Variants in GPC3 observed in about 807,000 individuals in gnomAD.
The protein encoded by GPC3 is glypican-3.
In GPC3, 3 loss-of-function variants were observed where a neutral mutation model predicts 34.4. That is an observed-to-expected ratio of 0.09 (90% CI 0.04 to 0.23). The LOEUF is 0.23. Ranked by LOEUF, GPC3 falls within the 10% of genes least tolerant of loss-of-function variation. The pLI, the probability that GPC3 is intolerant of heterozygous loss-of-function variation, is 1.00. For synonymous variants in GPC3, 177 were observed against 174.0 expected (o/e 1.02, Z -0.13); for missense variants, 351 against 445.6 (o/e 0.79, Z 1.91).
intron 2 of GPC3, among the ~76,000 whole-genome samples, chrX:133,854,064 A>G (rs2075888784): frequency 9.0e-6 from 1 of 111,294 alleles, no homozygotes; most frequent in Admixed American, 9.5e-5. Flanking sequence ...TTTTTCCCCC[A>G]TATTTCTTCT....
At chrX:133,842,683 T>C (rs190258857) in intron 2 of GPC3, among the ~76,000 whole-genome samples, 63 of 111,016 alleles carry the variant, frequency 5.7e-4, no homozygotes, top group African/African-American at 2.0e-3. Flanking sequence ...GGAGTTTCTA[T>C]ATAGAAATTA....
chrX:133,877,052 C>A (rs1010377319), intron 2 of GPC3, among the ~76,000 whole-genome samples: 3 of 111,302 alleles, frequency 2.7e-5, no homozygotes, highest in East Asian at 2.8e-4. Context: ...GATTTGGTGA[C>A]CAAAAAGCTA....
intron 6 of GPC3, among the ~76,000 whole-genome samples, chrX:133,621,664 T>A (rs923298116): frequency 3.7e-4 from 42 of 112,156 alleles, no homozygotes; most frequent in Middle Eastern, 4.6e-3. Flanking sequence ...AAGCTCAAAC[T>A]GGGTGGAGTC....
At chrX:133,546,608 A>G (rs2069388528) in intron 7 of GPC3, among the ~76,000 whole-genome samples, 1 of 111,336 alleles carries the variant, frequency 9.0e-6, no homozygotes, top group Non-Finnish European at 1.9e-5. Context: ...GGGATGATGA[A>G]ATATTTTGGA....
intron 1 of GPC3, among the ~76,000 whole-genome samples, chrX:133,974,224 A>AT (rs1198433921): frequency 9.0e-6 from 1 of 110,822 alleles, no homozygotes; most frequent in Non-Finnish European, 1.9e-5. Flanking sequence ...TAATTTTTCT[A>AT]TTTTTTGAAG....
chrX:133,588,422 C>T (rs2069813707), intron 7 of GPC3, among the ~76,000 whole-genome samples: 1 of 111,089 alleles, frequency 9.0e-6, no homozygotes, highest in South Asian at 3.9e-4. Flanking sequence ...CAGGACATTT[C>T]ATTTCCCTAC....
chrX:133,590,500 A>G (rs1345542090), intron 7 of GPC3, among the ~76,000 whole-genome samples: 1 of 111,927 alleles, frequency 8.9e-6, no homozygotes, highest in East Asian at 2.8e-4. Context: ...TTTATAAATA[A>G]GAAATAAGGA....
chrX:133,854,110 T>G (rs1221734971), intron 2 of GPC3, among the ~76,000 whole-genome samples: 2 of 111,804 alleles, frequency 1.8e-5, no homozygotes, highest in African/African-American at 6.5e-5. Context: ...ATTTGCTCAT[T>G]TCTAGTAGCT....
chrX:133,673,615 C>A (rs1447713724), intron 5 of GPC3, among the ~76,000 whole-genome samples: 1 of 112,247 alleles, frequency 8.9e-6, no homozygotes, highest in African/African-American at 3.2e-5. Flanking sequence ...GGAAGAGTCA[C>A]GTGGTGGAAA....
intron 6 of GPC3, among the ~76,000 whole-genome samples, chrX:133,614,472 A>C (rs2070139838): frequency 9.9e-6 from 1 of 100,580 alleles, no homozygotes; most frequent in African/African-American, 4.9e-5. Context: ...ACTGAAAGAA[A>C]AAAAAAAAAC....
At chrX:133,852,357 T>C (rs1197841087) in intron 2 of GPC3, among the ~76,000 whole-genome samples, 1 of 111,652 alleles carries the variant, frequency 9.0e-6, no homozygotes, top group African/African-American at 3.3e-5. Flanking sequence ...TGGGAATAAT[T>C]AGAAAATCTT....
Position 133,949,483 on chromosome X carries a change from T to C in GPC3, c.337+3567A>G, listed in dbSNP as rs546781178. Among the ~76,000 whole-genome samples, 4 of 111,810 alleles carry C rather than the reference T, an allele frequency of 3.6e-5. No homozygotes were observed. In the South Asian group the frequency reaches 1.5e-3, roughly 42 times the overall value. ...GGCTCTAAGCAAGGACTCAAAAACCTTTCAGATGAGATGATTTCCTGCTCG... is the reference window on the plus strand; with the variant it reads ...GGCTCTAAGCAAGGACTCAAAAACCCTTCAGATGAGATGATTTCCTGCTCG... On this transcript the variant is annotated intron_variant, in intron 2 of 7. Coordinates refer to ENST00000370818, the MANE Select transcript of GPC3 (RefSeq NM_004484.4).
At chrX:133,799,068 C>A (rs890199265) in intron 2 of GPC3, among the ~76,000 whole-genome samples, 10 of 111,965 alleles carry the variant, frequency 8.9e-5, no homozygotes, top group African/African-American at 3.3e-4. Context: ...CTTCTGAGTG[C>A]AGGGCTTTGT....
intron 6 of GPC3, among the ~76,000 whole-genome samples, chrX:133,603,165 C>T (rs1001664331): frequency 4.6e-5 from 5 of 107,794 alleles, no homozygotes; most frequent in South Asian, 8.2e-4. Context: ...AAAAAAGACA[C>T]GCTCCCTGGC....
chrX:133,754,929 C>T (rs1489706186), intron 2 of GPC3, among the ~76,000 whole-genome samples: 1 of 112,100 alleles, frequency 8.9e-6, no homozygotes, highest in Non-Finnish European at 1.9e-5. Context: ...GGCTTGGAAG[C>T]CTTATCTGCT....
chrX:133,842,465 C>T (rs1360549647), intron 2 of GPC3, among the ~76,000 whole-genome samples: 1 of 107,782 alleles, frequency 9.3e-6, no homozygotes, highest in East Asian at 2.8e-4. Flanking sequence ...TTAGTTCTGT[C>T]CCTCTAAGAG....
chrX:133,807,277 C>T (rs1210552848), intron 2 of GPC3, among the ~76,000 whole-genome samples: 4 of 111,446 alleles, frequency 3.6e-5, no homozygotes, highest in Non-Finnish European at 7.5e-5. Context: ...TCTCTTCCTT[C>T]CCCTCTGACC....
rs775074132 is a variant in GPC3, at chrX:133,875,414, C to T, written c.337+77636G>A. 2.6e-3 allele frequency among the ~76,000 whole-genome samples: 285 copies of T among 111,747 alleles called. 1 individual carries two copies. Among genetic ancestry groups the T allele is most frequent in the Admixed American group, 3.3e-3 (35 of 10,513 alleles). On this transcript the variant is annotated intron_variant, in intron 2 of 7. Coordinates refer to ENST00000370818, the MANE Select transcript of GPC3 (RefSeq NM_004484.4). ...CTAGGCAGACAGCCCTAGAACACAG[C>T]TGGCAAATGGAAATGAGAGTATTGT...
chrX:133,772,121 C>A (rs1248118477), intron 2 of GPC3, among the ~76,000 whole-genome samples: 1 of 111,071 alleles, frequency 9.0e-6, no homozygotes, highest in African/African-American at 3.3e-5. Flanking sequence ...AGAAGTCAGT[C>A]GATGTAGCCA....
Sources: gnomAD v4.1 joint callset for allele counts (sites outside exome capture counted in the v4.1 genomes callset) on GRCh38, gnomAD v4.1.1 for gene constraint, MANE v1.5 for transcripts, NCBI Gene and HGNC (gene_info 2026-07-23, HGNC 2026-07-21) for gene names.